ANKRD44: variants seen among roughly 807,000 people sequenced by gnomAD.
The protein encoded by ANKRD44 is serine/threonine-protein phosphatase 6 regulatory ankyrin repeat subunit B.
Under a neutral mutation model 116.0 loss-of-function variants are expected in ANKRD44, and 35 were observed. The observed-to-expected ratio is 0.30, with a 90% CI of 0.23 to 0.40. The LOEUF (loss-of-function observed/expected upper bound fraction) is 0.40, where lower values mean the gene tolerates loss of function less well. ANKRD44 is among the 10% of genes least tolerant of loss of function. The probability of loss-of-function intolerance (pLI) is 1.00; values close to 1 mark genes in which losing one functional copy is unlikely to be tolerated. For missense variants in ANKRD44, 1,014 were observed against 1,242.6 expected, an observed-to-expected ratio of 0.82 and a Z score of 2.77; for synonymous variants, 435 against 461.8, an observed-to-expected ratio of 0.94 and a Z score of 0.74.
At chr2:197,063,470 T>C (rs947207709) in intron 16 of ANKRD44, among the ~76,000 whole-genome samples, 10 of 152,164 alleles carry the variant, frequency 6.6e-5, no homozygotes, top group African/African-American at 2.4e-4. Context: ...TTTGACGAGT[T>C]GAGAGAAGAA....
intron 2 of ANKRD44, among the ~76,000 whole-genome samples, chr2:197,182,367 A>G (rs939049617): frequency 1.3e-5 from 2 of 152,164 alleles, no homozygotes; most frequent in South Asian, 2.1e-4. Context: ...CAGATTTTCA[A>G]TCTTACAAGG....
intron 12 of ANKRD44, among the ~76,000 whole-genome samples, chr2:197,086,979 A>G (rs1316200801): frequency 6.6e-6 from 1 of 152,210 alleles, no homozygotes; most frequent in African/African-American, 2.4e-5. Flanking sequence ...GCTTGGTGGA[A>G]TATTTTTAAT....
chr2:197,014,065 T>C (rs2076344831), intron 17 of ANKRD44, among the ~76,000 whole-genome samples: 1 of 152,240 alleles, frequency 6.6e-6, no homozygotes, highest in African/African-American at 2.4e-5. Context: ...TATCTGTCAG[T>C]TCAGTCCTAA....
At chr2:197,151,890 T>TC (rs2079660993) in intron 2 of ANKRD44, among the ~76,000 whole-genome samples, 2 of 151,808 alleles carry the variant, frequency 1.3e-5, no homozygotes, top group Non-Finnish European at 1.5e-5. Context: ...GGTGAATACT[T>TC]CCCCCAAACC....
intron 8 of ANKRD44, among the ~76,000 whole-genome samples, chr2:197,121,130 T>A (rs1218328591): frequency 6.6e-6 from 1 of 152,068 alleles, no homozygotes; most frequent in Non-Finnish European, 1.5e-5. Flanking sequence ...TGTTTCACCA[T>A]CTTCGTCAGG....
In ANKRD44 at chr2:197,007,170, T is replaced by C. The variant is rs190166724; in HGVS notation, c.2130+636A>G. Among the ~76,000 whole-genome samples the C allele has an allele frequency of 1.3e-3, 196 of 152,154 alleles. 6 individuals are homozygous for C. Among genetic ancestry groups the C allele is most frequent in the Admixed American group, 0.013 (194 of 15,296 alleles). On this transcript the variant is annotated intron_variant, in intron 20 of 27. Transcript: ENST00000282272. ...CCACAGGATACATATTTTGGCATTA[T>C]TTGTAAGGACAAACAATTAGAAATT...
At chr2:197,048,403 T>C (rs2077043878) in intron 16 of ANKRD44, among the ~76,000 whole-genome samples, 1 of 152,152 alleles carries the variant, frequency 6.6e-6, no homozygotes, top group Non-Finnish European at 1.5e-5. Context: ...AGTGTTCTCA[T>C]TGTTCAATTC....
At chr2:197,126,086 ATACT>A in intron 4 of ANKRD44, 49 bp from the exon 5 acceptor site, 1 of 1,591,274 alleles carries the variant, frequency 6.3e-7, no homozygotes, top group Non-Finnish European at 8.6e-7. Context: ...CGTTCAATCA[ATACT>A]TACTGGTGTA....
rs1439587059 is a variant in ANKRD44 at position 197,297,059 on chromosome 2, AT to A, written c.27+13518del. ...AGAGGAAGTGGCATTCTTATAAGTA[AT>A]TTTCAAAGTTCTTTTTGACAACTTA... On this transcript the variant is annotated intron_variant, in intron 1 of 27. Transcript: ENST00000282272. Among the ~76,000 whole-genome samples, 3 of 152,214 alleles carry A rather than the reference AT, an allele frequency of 2.0e-5. No homozygotes were observed. The East Asian group carries it at 5.8e-4, about 29-fold the overall frequency.
chr2:197,249,937 T>A (rs369076659), intron 1 of ANKRD44, among the ~76,000 whole-genome samples: 1 of 152,230 alleles, frequency 6.6e-6, no homozygotes, highest in Non-Finnish European at 1.5e-5. Context: ...CATAATCTAC[T>A]CATGAAATTC....
rs2079462837 is a variant in ANKRD44, at chr2:197,145,077, G to A, written c.190+1950C>T. On this transcript the variant is annotated intron_variant, in intron 3 of 27. Coordinates refer to ENST00000282272, the MANE Select transcript of ANKRD44 (RefSeq NM_001195144.2). Reference sequence around the variant, plus strand: ...GAGGCCAAGGCAGGCGGATCACAAGGTCAGGAGATCGAGACTATCCTGGCT... The same window carrying A: ...GAGGCCAAGGCAGGCGGATCACAAGATCAGGAGATCGAGACTATCCTGGCT... 3.3e-5 allele frequency among the ~76,000 whole-genome samples: 5 copies of A among 152,242 alleles called. No homozygotes were observed. The South Asian group carries it at 8.3e-4, about 25-fold the overall frequency.
chr2:197,068,642 G>A (rs892133549), intron 16 of ANKRD44, among the ~76,000 whole-genome samples: 20 of 152,048 alleles, frequency 1.3e-4, no homozygotes. Context: ...ATCAAAAAGT[G>A]GGCAAAGGAT....
intron 16 of ANKRD44, among the ~76,000 whole-genome samples, chr2:197,054,862 A>C (rs983803059): frequency 1.3e-5 from 2 of 152,198 alleles, no homozygotes; most frequent in Admixed American, 1.3e-4. Context: ...TATGGGAGAG[A>C]TATGGTCCCA....
At chr2:197,160,683 C>A (rs111681013) in intron 2 of ANKRD44, among the ~76,000 whole-genome samples, 5,528 of 152,280 alleles carry the variant, frequency 0.036, 143 homozygotes, top group Middle Eastern at 0.075. Flanking sequence ...GACTCTCACT[C>A]CCTGCTCAGA....
At chr2:196,983,775 T>C (rs1214795020), downstream of ANKRD44, among the ~76,000 whole-genome samples, 1 of 152,194 alleles carries the variant, frequency 6.6e-6, no homozygotes, top group Non-Finnish European at 1.5e-5. Flanking sequence ...TAGAGAACCC[T>C]GTGAGGCTGA....
At chr2:197,137,752 T>C (rs943242315) in intron 3 of ANKRD44, among the ~76,000 whole-genome samples, 10 of 152,206 alleles carry the variant, frequency 6.6e-5, no homozygotes, top group Non-Finnish European at 1.2e-4. Context: ...TGGAGTCAGG[T>C]ACAAGGGTTA....
chr2:197,089,080 C>T (rs1226120582), intron 11 of ANKRD44, among the ~76,000 whole-genome samples: 2 of 152,118 alleles, frequency 1.3e-5, no homozygotes, highest in African/African-American at 4.8e-5. Context: ...GTAGGGCAAT[C>T]GACAGGCAGA....
intron 16 of ANKRD44, among the ~76,000 whole-genome samples, chr2:197,028,217 T>C (rs2076635270): frequency 6.6e-6 from 1 of 152,018 alleles, no homozygotes; most frequent in Non-Finnish European, 1.5e-5. Context: ...ACTTTGAAGC[T>C]CTTTATTTTT....
chr2:197,101,303 C>T (rs1194750862), intron 9 of ANKRD44, among the ~76,000 whole-genome samples: 1 of 152,064 alleles, frequency 6.6e-6, no homozygotes, highest in Non-Finnish European at 1.5e-5. Flanking sequence ...GGACGCTCTA[C>T]ATTCTGGAGT....
Sources: allele counts gnomAD v4.1 joint callset (sites outside exome capture counted in the v4.1 genomes callset), GRCh38; gene constraint gnomAD v4.1.1; transcripts MANE v1.5; gene names NCBI Gene and HGNC (gene_info 2026-07-23, HGNC 2026-07-21).